SPDYA: variants seen among roughly 807,000 people sequenced by gnomAD.
SPDYA encodes speedy protein A.
SPDYA carries 11 observed loss-of-function variants against 36.7 expected under a neutral mutation model. The ratio of observed to expected loss-of-function variants is 0.30; its 90% CI spans 0.19 to 0.50. SPDYA has a LOEUF of 0.50. Among genes scored for constraint, SPDYA ranks in the 20% least tolerant of loss-of-function variants. The probability of loss-of-function intolerance (pLI) is 0.98; values close to 1 mark genes in which losing one functional copy is unlikely to be tolerated. For missense variants in SPDYA, 287 were observed against 370.9 expected, an observed-to-expected ratio of 0.77 and a Z score of 1.86; for synonymous variants, 115 against 118.7, an observed-to-expected ratio of 0.97 and a Z score of 0.20.
In SPDYA at chr2:28,814,628, G is replaced by A. The variant is rs1012720538; in HGVS notation, c.-77G>A. 2.6e-5 allele frequency: 4 copies of A among 152,118 alleles called. No individual in the cohort carries two copies. The highest frequency in any genetic ancestry group is 9.7e-5 in the African/African-American group (4 of 41,396). 9.4% of individuals were successfully genotyped at this position (152,118 alleles called of 1,614,324 possible). A position where few individuals can be genotyped will look rare whatever the true frequency, so the allele number is the denominator to read the frequency against. On this transcript the variant is annotated 5_prime_UTR_variant, in exon 2 of 8. Coordinates refer to ENST00000334056, the MANE Select transcript of SPDYA (RefSeq NM_182756.4). ...TATTTTCCAGTCCTTCCTTCAGAAGGGAAATTTCTGAGGGTCAGGAAGGGG... is the reference window on the plus strand; with the variant it reads ...TATTTTCCAGTCCTTCCTTCAGAAGAGAAATTTCTGAGGGTCAGGAAGGGG...
chr2:28,839,686 T>C (rs1449272923), intron 6 of SPDYA, among the ~76,000 whole-genome samples: 1 of 152,124 alleles, frequency 6.6e-6, no homozygotes, highest in African/African-American at 2.4e-5. Context: ...GTATTTTTAG[T>C]AGAGACGGAG....
intron 5 of SPDYA, among the ~76,000 whole-genome samples, chr2:28,822,775 T>C (rs1002068520): frequency 6.6e-6 from 1 of 152,052 alleles, no homozygotes; most frequent in Non-Finnish European, 1.5e-5. Context: ...GCTCAGCTAA[T>C]TTTTGTATTT....
intron 4 of SPDYA, among the ~76,000 whole-genome samples, chr2:28,820,957 A>G (rs1668140683): frequency 6.6e-6 from 1 of 152,198 alleles, no homozygotes; most frequent in African/African-American, 2.4e-5. Flanking sequence ...TCTAGCTACA[A>G]TAGATCAACT....
chr2:28,812,265 A>G (rs1667865444), intron 1 of SPDYA, among the ~76,000 whole-genome samples: 1 of 152,170 alleles, frequency 6.6e-6, no homozygotes, highest in African/African-American at 2.4e-5. Flanking sequence ...GACTGCATTC[A>G]TAAGGAAGTT....
chr2:28,814,236 C>G (rs915330112), intron 1 of SPDYA, among the ~76,000 whole-genome samples: 1 of 152,008 alleles, frequency 6.6e-6, no homozygotes, highest in Non-Finnish European at 1.5e-5. Context: ...TATTTTTCTC[C>G]TACAAATTAC....
chr2:28,833,796 A>G (rs2148096839), intron 6 of SPDYA, among the ~76,000 whole-genome samples: 1 of 152,284 alleles, frequency 6.6e-6, no homozygotes, highest in East Asian at 1.9e-4. Flanking sequence ...AGTCTTCGTG[A>G]CCTTGAATTA....
chr2:28,821,867 A>T (rs1668177553), intron 4 of SPDYA, among the ~76,000 whole-genome samples: 1 of 152,226 alleles, frequency 6.6e-6, no homozygotes, highest in African/African-American at 2.4e-5. Flanking sequence ...AAATCATTTT[A>T]AAAAGTTATT....
intron 5 of SPDYA, among the ~76,000 whole-genome samples, chr2:28,827,452 T>G (rs10187155): frequency 0.9 from 137,399 of 152,088 alleles, 62,111 homozygotes; most frequent in Non-Finnish European, 0.93. Flanking sequence ...TTATTCTTAC[T>G]TTCTGTGTCT....
At chr2:28,823,130 C>T (rs1025327389) in intron 5 of SPDYA, among the ~76,000 whole-genome samples, 1 of 152,086 alleles carries the variant, frequency 6.6e-6, no homozygotes, top group African/African-American at 2.4e-5. Context: ...TCTTTGTGGA[C>T]CTATATCTAT....
intron 4 of SPDYA, among the ~76,000 whole-genome samples, chr2:28,820,911 A>C (rs1043257622): frequency 3.9e-5 from 6 of 152,160 alleles, no homozygotes; most frequent in African/African-American, 1.4e-4. Context: ...ATTTGAAGTA[A>C]ATAGAATAGA....
At position 28,849,881 on chromosome 2, in the gene SPDYA, G is replaced by T. The variant is rs960512700; in HGVS notation, c.882G>T (p.Lys294Asn). 1.3e-6 allele frequency: 2 copies of T among 1,588,450 alleles called. No homozygotes were observed. The highest frequency in any genetic ancestry group is 2.7e-5 in the African/African-American group (2 of 73,634). ...ATGACCATCAATCAAATAAAGGAAA[G>T]AAAACTAATTTCTTGAAGAAAGACA... ...VVNDHQSNKG[K>N]KTNFLKKDKS... Residue 294 changes from lysine (K) to asparagine (N), a missense_variant, in exon 8 of 8, where the codon AAG becomes AAT. Lys to Asn is a moderately conservative substitution (Grantham distance 94). Coordinates refer to ENST00000334056, the MANE Select transcript of SPDYA (RefSeq NM_182756.4).
At chr2:28,819,701 A>G (rs2148078097) in intron 4 of SPDYA, among the ~76,000 whole-genome samples, 1 of 150,412 alleles carries the variant, frequency 6.6e-6, no homozygotes, top group African/African-American at 2.4e-5. Context: ...AACAGAAATC[A>G]AAACAGGTGT....
At chr2:28,840,886 T>A in intron 7 of SPDYA, 1 of 551,754 alleles carries the variant, frequency 1.8e-6, no homozygotes, top group Non-Finnish European at 2.3e-6. Context: ...TTTTCATTTA[T>A]CACGAAGTAT....
At chr2:28,841,375 A>G (rs539405331) in intron 7 of SPDYA, among the ~76,000 whole-genome samples, 55 of 152,292 alleles carry the variant, frequency 3.6e-4, no homozygotes, top group African/African-American at 1.3e-3. Context: ...CAACTGCACC[A>G]TAATTTCACT....
At position 28,849,850 on chromosome 2, in the gene SPDYA, T is replaced by C. The variant is rs1170249723; in HGVS notation, c.851T>C (p.Val284Ala). Residue 284 changes from valine (V) to alanine (A), a missense_variant and splice_region_variant, in exon 8 of 8, where the codon GTA becomes GCA. By Grantham distance (64) the Val-to-Ala change is moderately conservative (BLOSUM62 0). Coordinates refer to ENST00000334056, the MANE Select transcript of SPDYA (RefSeq NM_182756.4). The part of the protein sequence containing the change: ...DPSQAYTGSE[V>A]VNDHQSNKGK... ...TCTTAAAATGCATATTTTATTTCAG[T>C]AGTCAATGACCATCAATCAAATAAA... 2.0e-6 allele frequency: 3 copies of C among 1,503,670 alleles called. No homozygotes were observed. In the African/African-American group the frequency reaches 4.2e-5, roughly 21 times the overall value. 93.1% of individuals were successfully genotyped at this position (1,503,670 alleles called of 1,614,324 possible). A position where few individuals can be genotyped will look rare whatever the true frequency, so the allele number is the denominator to read the frequency against.
chr2:28,849,577 C>T (rs1474524330), intron 7 of SPDYA, among the ~76,000 whole-genome samples: 2 of 152,236 alleles, frequency 1.3e-5, no homozygotes, highest in Non-Finnish European at 2.9e-5. Context: ...TGTGCCCAGC[C>T]CCCAAACATT....
chr2:28,812,502 A>G (rs1401486611), intron 1 of SPDYA, among the ~76,000 whole-genome samples: 1 of 151,978 alleles, frequency 6.6e-6, no homozygotes, highest in Non-Finnish European at 1.5e-5. Context: ...AATCCCAAAC[A>G]TCCTATTCAA....
At chr2:28,839,128 T>C (rs1038558872) in intron 6 of SPDYA, among the ~76,000 whole-genome samples, 1 of 152,192 alleles carries the variant, frequency 6.6e-6, no homozygotes, top group African/African-American at 2.4e-5. Flanking sequence ...TCCTGTGAAG[T>C]AGATGATATG....
intron 5 of SPDYA, among the ~76,000 whole-genome samples, chr2:28,828,146 C>T (rs983412806): frequency 2.6e-5 from 4 of 151,748 alleles, no homozygotes; most frequent in Middle Eastern, 3.2e-3. Flanking sequence ...GCCACCACGC[C>T]CAGCTAATGT....
Sources: gnomAD v4.1 joint callset for allele counts (sites outside exome capture counted in the v4.1 genomes callset) on GRCh38, gnomAD v4.1.1 for gene constraint, MANE v1.5 for transcripts, NCBI Gene and HGNC (gene_info 2026-07-23, HGNC 2026-07-21) for gene names.